BLM: variants seen among roughly 807,000 people sequenced by gnomAD.
The protein encoded by BLM is recQ-like DNA helicase BLM.
A neutral mutation model predicts 135.3 loss-of-function variants in BLM; 95 were observed. The observed-to-expected ratio is 0.70, with a 90% CI of 0.59 to 0.83. BLM has a LOEUF of 0.83. Ranked by LOEUF, BLM falls within the 40% of genes least tolerant of loss-of-function variation. The pLI is 0.00. For synonymous variants in BLM, 520 were observed against 589.2 expected (o/e 0.88, Z 1.70); for missense variants, 1,518 against 1,663.9 (o/e 0.91, Z 1.53).
chr15:90,723,247 TAA>T (rs990619853), intron 1 of BLM, among the ~76,000 whole-genome samples: 10 of 152,206 alleles, frequency 6.6e-5, no homozygotes, highest in African/African-American at 2.4e-4. Flanking sequence ...TTGAGCTCTG[TAA>T]ATGGGATAAT....
At chr15:90,747,757 G>A (rs955387579) in intron 2 of BLM, 47 of 378,836 alleles carry the variant, frequency 1.2e-4, no homozygotes, top group Non-Finnish European at 1.5e-5. Flanking sequence ...TGTAAATTTG[G>A]GCAAATAAGT....
rs1555419696 is a variant in BLM at position 90,760,146 on chromosome 15, G to A, written c.1088-1G>A. On this transcript the variant is annotated splice_acceptor_variant, in intron 5 of 21. Transcript: ENST00000355112. LOFTEE classifies it high-confidence loss of function. Reference sequence around the variant, plus strand: ...ATATTAACAACATAATTATTTTATAGCTAGACAGATAAGTTTACAGCAGCA... The same window carrying A: ...ATATTAACAACATAATTATTTTATAACTAGACAGATAAGTTTACAGCAGCA... 2 of 1,609,442 alleles carry A rather than the reference G, an allele frequency of 1.2e-6. No homozygotes were observed. Among genetic ancestry groups the A allele is most frequent in the South Asian group, 2.2e-5 (2 of 90,954 alleles).
At chr15:90,746,714 A>G (rs1437666686) in intron 1 of BLM, among the ~76,000 whole-genome samples, 2 of 152,216 alleles carry the variant, frequency 1.3e-5, no homozygotes, top group African/African-American at 4.8e-5. Context: ...TTTTTTAACT[A>G]TGCATGGATT....
chr15:90,766,819 G>A lies in BLM; in HGVS notation c.2194-91G>A, dbSNP rs549803605. On this transcript the variant is annotated intron_variant, in intron 9 of 21. Coordinates refer to ENST00000355112, the MANE Select transcript of BLM (RefSeq NM_000057.4). The stretch of plus-strand genomic sequence containing the variant: ...ATTTCCTTTGATAGGTTTGATATGT[G>A]ACTAATAAAATATTTATAAAACCTA... 24 of 806,926 alleles carry A rather than the reference G, an allele frequency of 3.0e-5. No individual in the cohort carries two copies. The South Asian group carries it at 3.8e-4, about 13-fold the overall frequency. The allele number at this position is 806,926 out of a possible 1,614,324, so 50.0% of individuals were successfully genotyped here.
At chr15:90,723,140 C>A (rs1251268803) in intron 1 of BLM, among the ~76,000 whole-genome samples, 1 of 152,092 alleles carries the variant, frequency 6.6e-6, no homozygotes, top group Non-Finnish European at 1.5e-5. Context: ...CCGCTCCTGG[C>A]CCTATTGTCC....
chr15:90,758,422 G>A (rs1002046684), intron 5 of BLM, among the ~76,000 whole-genome samples: 3 of 152,196 alleles, frequency 2.0e-5, no homozygotes, highest in Admixed American at 6.5e-5. Context: ...GGGAAACGGA[G>A]GTTGCAGTAA....
intron 15 of BLM, 112 bp from the exon 16 acceptor site, chr15:90,794,055 G>A (rs1896968447): frequency 4.2e-6 from 3 of 707,166 alleles, no homozygotes; most frequent in Non-Finnish European, 6.7e-6. Flanking sequence ...GCTGTTAACA[G>A]TAATTTTCTT....
intron 1 of BLM, among the ~76,000 whole-genome samples, chr15:90,726,123 T>C (rs995492609): frequency 6.6e-6 from 1 of 152,152 alleles, no homozygotes; most frequent in Non-Finnish European, 1.5e-5. Context: ...TCTTAAAACA[T>C]TTATCATTTC....
At chr15:90,751,711 C>A in intron 3 of BLM, 76 bp from the exon 4 acceptor site, 1 of 1,326,248 alleles carries the variant, frequency 7.5e-7, no homozygotes, top group Non-Finnish European at 1.1e-6. Flanking sequence ...AGCACTCATT[C>A]TTAATCGCTC....
intron 15 of BLM, among the ~76,000 whole-genome samples, chr15:90,793,221 C>T (rs1361727895): frequency 1.3e-5 from 2 of 149,060 alleles, no homozygotes; most frequent in Non-Finnish European, 3.0e-5. Context: ...CTACAACCTC[C>T]ACCTCCTGGG....
intron 14 of BLM, among the ~76,000 whole-genome samples, chr15:90,789,441 C>A (rs1216960756): frequency 6.6e-6 from 1 of 152,194 alleles, no homozygotes; most frequent in Non-Finnish European, 1.5e-5. Flanking sequence ...TCATGGAACC[C>A]TGTGGGTCAT....
chr15:90,811,498 A>G (rs1488366621), intron 21 of BLM, 92 bp downstream of exon 21: 16 of 1,368,838 alleles, frequency 1.2e-5, no homozygotes, highest in East Asian at 2.4e-5. Context: ...GATTTATTAA[A>G]ATAAGCCATT....
At chr15:90,763,640 C>T (rs1403016734) in intron 8 of BLM, among the ~76,000 whole-genome samples, 1 of 152,188 alleles carries the variant, frequency 6.6e-6, no homozygotes, top group African/African-American at 2.4e-5. Context: ...ACTTTACTCC[C>T]TGGGCCCATT....
At chr15:90,797,428 A>T in intron 16 of BLM, among the ~76,000 whole-genome samples, 1 of 42,190 alleles carries the variant, frequency 2.4e-5, no homozygotes, top group African/African-American at 4.8e-5. Flanking sequence ...AAAAAAAAAA[A>T]AAAAAAAAAA....
rs757088548 is a variant in BLM at position 90,804,216 on chromosome 15, C to T, written c.3608C>T (p.Ala1203Val). 1.9e-5 allele frequency: 31 copies of T among 1,613,878 alleles called. No homozygotes were observed. The highest frequency in any genetic ancestry group is 3.3e-5 in the South Asian group (3 of 91,086). The change falls in exon 19 of 22, where the codon GCG becomes GTG. Residue 1203 changes from alanine (A) to valine (V), a missense_variant. Coordinates refer to ENST00000355112, the MANE Select transcript of BLM (RefSeq NM_000057.4). Reference protein sequence around the residue: ...ENSSSVKKQKALVAKVSQREE... With the variant: ...ENSSSVKKQKVLVAKVSQREE... ...TCCAGCAGTGTGAAAAAACAAAAAG[C>T]GTTAGTAGCAAAAGTGTCTCAGAGG...
intron 21 of BLM, among the ~76,000 whole-genome samples, chr15:90,814,816 T>C (rs1212446873): frequency 1.3e-5 from 2 of 152,120 alleles, no homozygotes; most frequent in African/African-American, 4.8e-5. Flanking sequence ...GCCGAAGGTG[T>C]GGGTGGAGAG....
chr15:90,766,144 A>G (rs757439572), intron 9 of BLM, among the ~76,000 whole-genome samples: 1 of 152,202 alleles, frequency 6.6e-6, no homozygotes, highest in Non-Finnish European at 1.5e-5. Flanking sequence ...TTTAAGAGTT[A>G]TGAGTCACCA....
chr15:90,718,535 G>T (rs1596191065), intron 1 of BLM, among the ~76,000 whole-genome samples: 1 of 152,216 alleles, frequency 6.6e-6, no homozygotes, highest in South Asian at 2.1e-4. Context: ...AGATGAAGAA[G>T]CGGGTAGGCA....
chr15:90,773,491 A>G (rs1295941172), intron 12 of BLM, among the ~76,000 whole-genome samples: 1 of 149,972 alleles, frequency 6.7e-6, no homozygotes, highest in East Asian at 1.9e-4. Context: ...AAATTCACCT[A>G]AAGTTGACAC....
Sources: allele counts gnomAD v4.1 joint callset (sites outside exome capture counted in the v4.1 genomes callset), GRCh38; gene constraint gnomAD v4.1.1; transcripts MANE v1.5; gene names NCBI Gene and HGNC (gene_info 2026-07-23, HGNC 2026-07-21).